HEATR1: variants seen among roughly 807,000 people sequenced by gnomAD.
HEATR1 encodes HEAT repeat containing 1.
In HEATR1, 77 loss-of-function variants were observed where a neutral mutation model predicts 248.2. The ratio of observed to expected loss-of-function variants is 0.31; its 90% CI spans 0.26 to 0.37. The LOEUF (loss-of-function observed/expected upper bound fraction) is 0.37. HEATR1 is among the 10% of genes least tolerant of loss of function. The pLI is 1.00. For missense variants in HEATR1, 2,420 were observed against 2,504.9 expected, an observed-to-expected ratio of 0.97 and a Z score of 0.72; for synonymous variants, 897 against 923.1, an observed-to-expected ratio of 0.97 and a Z score of 0.51.
In HEATR1 at chr1:236,586,337, T is replaced by C. The variant is rs1663883404; in HGVS notation, c.1831A>G (p.Asn611Asp). The part of the protein sequence containing the change: ...VCLLPFMVIN[N>D]DDTESAEMKI... ...ATCTCAGCAGATTCCGTATCATCAT[T>C]ATTGATAACCATAAATGGCAGCAAA... is the stretch of plus-strand genomic sequence containing the variant. Residue 611 changes from asparagine to aspartate, a missense_variant, in exon 15 of 45, where the codon AAT becomes GAT. Coordinates refer to ENST00000366582, the MANE Select transcript of HEATR1 (RefSeq NM_018072.6). 6.2e-7 allele frequency: 1 copy of C among 1,613,114 alleles called. No homozygotes were observed. The highest frequency in any genetic ancestry group is 8.5e-7 in the Non-Finnish European group (1 of 1,179,242).
chr1:236,584,126 G>A (rs1031322718), intron 17 of HEATR1, among the ~76,000 whole-genome samples: 16 of 152,046 alleles, frequency 1.1e-4, no homozygotes, highest in Non-Finnish European at 1.2e-4. Flanking sequence ...TGCTACAGGC[G>A]AAAACATGCT....
chr1:236,594,144 G>A, intron 8 of HEATR1, 30 bp from the exon 9 acceptor site: 1 of 1,408,442 alleles, frequency 7.1e-7, no homozygotes, highest in Admixed American at 2.1e-5. Flanking sequence ...AATTGTGTTG[G>A]GAAAAATTTA....
intron 22 of HEATR1, among the ~76,000 whole-genome samples, chr1:236,575,833 T>C (rs1018844143): frequency 6.6e-6 from 1 of 152,130 alleles, no homozygotes; most frequent in African/African-American, 2.4e-5. Context: ...AACGAGCAAA[T>C]GATTTTGGAA....
intron 4 of HEATR1, among the ~76,000 whole-genome samples, chr1:236,599,088 A>T (rs1436214856): frequency 6.6e-6 from 1 of 152,126 alleles, no homozygotes; most frequent in Non-Finnish European, 1.5e-5. Flanking sequence ...CTTCACCTTC[A>T]ACTTTTTTTT....
intron 36 of HEATR1, 87 bp downstream of exon 36, chr1:236,558,150 A>AG: frequency 3.1e-5 from 41 of 1,331,126 alleles, no homozygotes; most frequent in Non-Finnish European, 3.8e-5. Context: ...GTCTACTCAG[A>AG]GGAAAAAAAA....
At chr1:236,570,237 T>G (rs184935972) in intron 28 of HEATR1, among the ~76,000 whole-genome samples, 1 of 152,108 alleles carries the variant, frequency 6.6e-6, no homozygotes. Flanking sequence ...TGCAGTGAGC[T>G]GAGATCGCGC....
chr1:236,559,504 G>A (rs1028580816), intron 34 of HEATR1, among the ~76,000 whole-genome samples: 3 of 152,044 alleles, frequency 2.0e-5, no homozygotes, highest in Admixed American at 1.3e-4. Flanking sequence ...TAAAATATAC[G>A]AGGTACATGT....
chr1:236,588,936 C>A (rs951785338), intron 12 of HEATR1, among the ~76,000 whole-genome samples: 4 of 152,116 alleles, frequency 2.6e-5, no homozygotes, highest in African/African-American at 9.7e-5. Flanking sequence ...CATAGCAAGA[C>A]CCCATCATTT....
intron 38 of HEATR1, 51 bp downstream of exon 38, chr1:236,556,049 G>A (rs146821475): frequency 2.1e-4 from 341 of 1,608,178 alleles, no homozygotes; most frequent in Non-Finnish European, 2.7e-4. Flanking sequence ...TTTACACATT[G>A]CAGTACCACC....
chr1:236,582,406 C>T (rs2758186), intron 19 of HEATR1, among the ~76,000 whole-genome samples: 88,091 of 148,958 alleles, frequency 0.59, 27,628 homozygotes, highest in Non-Finnish European at 0.7. Flanking sequence ...GCGCCCAGCC[C>T]ATCTTTTTTT....
At position 236,576,821 on chromosome 1, in the gene HEATR1, T is replaced by TA; in HGVS notation, c.2883dup (p.Lys962Ter). The TA allele has an allele frequency of 6.2e-7, 1 of 1,614,018 alleles. No individual in the cohort carries two copies. Among genetic ancestry groups the TA allele is most frequent in the Non-Finnish European group, 8.5e-7 (1 of 1,179,974 alleles). On this transcript the variant is annotated frameshift_variant, in exon 21 of 45. Transcript: ENST00000366582. LOFTEE classifies it high-confidence loss of function. ...GCATCTGAAGTGATCTCCTCTGCTTTAGAAATCAAATGATCTATTATCAGA... is the reference window on the plus strand; with the variant it reads ...GCATCTGAAGTGATCTCCTCTGCTTTAAGAAATCAAATGATCTATTATCAGA...
intron 5 of HEATR1, 95 bp downstream of exon 5, chr1:236,597,783 T>C (rs1664216036): frequency 1.3e-6 from 1 of 741,970 alleles, no homozygotes; most frequent in South Asian, 2.0e-5. Flanking sequence ...TTATCCAAAG[T>C]ATCATTGTTA....
chr1:236,585,300 T>C, intron 16 of HEATR1, 84 bp from the exon 17 acceptor site: 6 of 1,113,628 alleles, frequency 5.4e-6, no homozygotes, highest in African/African-American at 1.6e-5. Context: ...CTAGGTATTA[T>C]GTGTTTTACA....
chr1:236,567,740 A>G (rs1274940963), intron 29 of HEATR1, among the ~76,000 whole-genome samples: 2 of 152,168 alleles, frequency 1.3e-5, no homozygotes, highest in Non-Finnish European at 2.9e-5. Flanking sequence ...ACATGTGTGA[A>G]AAGATAACAG....
chr1:236,563,158 C>T (rs1663176980), intron 32 of HEATR1, among the ~76,000 whole-genome samples: 1 of 152,244 alleles, frequency 6.6e-6, no homozygotes, highest in South Asian at 2.1e-4. Flanking sequence ...CTGTAGCAGG[C>T]ACACCATTAA....
intron 12 of HEATR1, among the ~76,000 whole-genome samples, chr1:236,588,663 TAAAAG>T (rs928449120): frequency 1.1e-4 from 16 of 152,146 alleles, no homozygotes; most frequent in African/African-American, 3.1e-4. Context: ...ATATAACAAA[TAAAAG>T]AAAACAATGT....
intron 11 of HEATR1, among the ~76,000 whole-genome samples, chr1:236,591,506 A>G (rs1052663535): frequency 1.3e-5 from 2 of 152,234 alleles, no homozygotes; most frequent in African/African-American, 4.8e-5. Flanking sequence ...GCTAAATATA[A>G]GAACTCCTGC....
intron 2 of HEATR1, 36 bp downstream of exon 2, chr1:236,603,918 C>A: frequency 6.3e-7 from 1 of 1,576,330 alleles, no homozygotes; most frequent in Non-Finnish European, 8.6e-7. Context: ...AAAACAAACG[C>A]TTCCAAGAGC....
rs533658595 is a variant in HEATR1 at position 236,589,147 on chromosome 1, G to C, written c.1531-1104C>G. Reference sequence around the variant, plus strand: ...CACCGAAAAACGAACCAAACCCAGAGAACAGGAGAGAAAGGCAGTAAAAGA... The same window carrying C: ...CACCGAAAAACGAACCAAACCCAGACAACAGGAGAGAAAGGCAGTAAAAGA... On this transcript the variant is annotated intron_variant, in intron 12 of 44. Transcript: ENST00000366582. Among the ~76,000 whole-genome samples, 100 of 152,176 alleles carry C rather than the reference G, an allele frequency of 6.6e-4. No homozygotes were observed. The Middle Eastern group carries it at 0.02, about 31-fold the overall frequency.
Sources: gnomAD v4.1 joint callset for allele counts (sites outside exome capture counted in the v4.1 genomes callset) on GRCh38, gnomAD v4.1.1 for gene constraint, MANE v1.5 for transcripts, NCBI Gene and HGNC (gene_info 2026-07-23, HGNC 2026-07-21) for gene names.